Variants in MKLN1 observed in about 807,000 individuals in gnomAD.
MKLN1 encodes the protein muskelin 1.
In MKLN1, 18 loss-of-function variants were observed where a neutral mutation model predicts 99.0. That is an observed-to-expected ratio of 0.18 (90% CI 0.13 to 0.27). The LOEUF (loss-of-function observed/expected upper bound fraction) is 0.27. Among genes scored for constraint, MKLN1 ranks in the 10% least tolerant of loss-of-function variants. The pLI is 1.00. For synonymous variants in MKLN1, 288 were observed against 293.2 expected (o/e 0.98, Z 0.18); for missense variants, 621 against 875.9 (o/e 0.71, Z 3.67).
At chr7:131,217,514 A>C (rs1274779040) in intron 3 of MKLN1, among the ~76,000 whole-genome samples, 1 of 152,108 alleles carries the variant, frequency 6.6e-6, no homozygotes, top group Non-Finnish European at 1.5e-5. Flanking sequence ...CCTGGCCAAC[A>C]TGGTGAAACC....
At chr7:131,327,736 C>T, upstream of MKLN1, 1 of 1,300,680 alleles carries the variant, frequency 7.7e-7, no homozygotes, top group Non-Finnish European at 1.0e-6. Context: ...ACGTGGGAAA[C>T]CCTGAGATAG....
chr7:131,291,101 T>TCTTATTTA (rs1554547692), intron 3 of MKLN1, among the ~76,000 whole-genome samples: 1 of 134,842 alleles, frequency 7.4e-6, no homozygotes, highest in Non-Finnish European at 1.6e-5. Context: ...TCTCATTTTA[T>TCTTATTTA]TTTATTTATT....
intron 3 of MKLN1, among the ~76,000 whole-genome samples, chr7:131,290,543 T>C (rs1477736983): frequency 2.0e-5 from 3 of 152,228 alleles, no homozygotes; most frequent in African/African-American, 7.2e-5. Context: ...GTGGAATGAA[T>C]TAACAAGCTG....
chr7:131,421,791 A>G (rs1172406883), intron 8 of MKLN1, among the ~76,000 whole-genome samples: 1 of 152,220 alleles, frequency 6.6e-6, no homozygotes, highest in Admixed American at 6.5e-5. Context: ...GAAAAAGTTT[A>G]AAACAACTTG....
At chr7:131,294,025 T>C (rs879396260) in intron 3 of MKLN1, among the ~76,000 whole-genome samples, 1 of 151,976 alleles carries the variant, frequency 6.6e-6, no homozygotes, top group Non-Finnish European at 1.5e-5. Context: ...CACCCAGTCA[T>C]GACAATCAAA....
At chr7:131,258,108 G>A (rs1797683113) in intron 3 of MKLN1, among the ~76,000 whole-genome samples, 1 of 148,948 alleles carries the variant, frequency 6.7e-6, no homozygotes, top group Admixed American at 6.8e-5. Flanking sequence ...GTGACAGAGT[G>A]AGACTCTGTC....
chr7:131,179,033 GA>G (rs1796341645), intron 2 of MKLN1, among the ~76,000 whole-genome samples: 1 of 152,012 alleles, frequency 6.6e-6, no homozygotes, highest in Non-Finnish European at 1.5e-5. Flanking sequence ...TGTTAAGTAG[GA>G]AGTTTTCTTC....
chr7:131,307,913 G>A (rs116853246), intron 3 of MKLN1, among the ~76,000 whole-genome samples: 2,550 of 152,260 alleles, frequency 0.017, 43 homozygotes, highest in Non-Finnish European at 0.024. Flanking sequence ...AAATTGGGGA[G>A]GGGCCAGGGG....
chr7:131,184,367 A>T (rs957145261), intron 2 of MKLN1, among the ~76,000 whole-genome samples: 3 of 151,986 alleles, frequency 2.0e-5, no homozygotes, highest in African/African-American at 7.2e-5. Flanking sequence ...TTCTATTCCA[A>T]ATATCTGTTC....
intron 2 of MKLN1, among the ~76,000 whole-genome samples, chr7:131,385,073 A>T (rs574779923): frequency 1.3e-5 from 2 of 152,248 alleles, no homozygotes; most frequent in East Asian, 3.9e-4. Flanking sequence ...GACAACCACT[A>T]ATCTGCTTTA....
chr7:131,456,808 C>T (rs1690085523), intron 12 of MKLN1, among the ~76,000 whole-genome samples: 1 of 152,046 alleles, frequency 6.6e-6, no homozygotes, highest in South Asian at 2.1e-4. Context: ...TTTCCTTAAT[C>T]TCTACCAGTT....
intron 2 of MKLN1, among the ~76,000 whole-genome samples, chr7:131,160,953 A>C (rs1282112317): frequency 6.6e-6 from 1 of 152,158 alleles, no homozygotes; most frequent in Non-Finnish European, 1.5e-5. Flanking sequence ...CTGTCCTATC[A>C]ATATGATGGT....
chr7:131,414,244 TG>T (rs1794954987), intron 7 of MKLN1, among the ~76,000 whole-genome samples: 2 of 152,236 alleles, frequency 1.3e-5, no homozygotes, highest in Admixed American at 1.3e-4. Flanking sequence ...ACTTTAAAAC[TG>T]CTCATCATAC....
At chr7:131,242,944 T>C (rs1797428470) in intron 3 of MKLN1, 6 of 654,634 alleles carry the variant, frequency 9.2e-6, no homozygotes, top group Admixed American at 7.4e-5. Context: ...AAGGTCAAGT[T>C]TGAAGAGAGA....
chr7:131,290,742 T>C (rs1047451797), intron 3 of MKLN1, among the ~76,000 whole-genome samples: 1 of 152,252 alleles, frequency 6.6e-6, no homozygotes, highest in Non-Finnish European at 1.5e-5. Context: ...CCCAAAGATA[T>C]TTAAAGGTAA....
intron 3 of MKLN1, among the ~76,000 whole-genome samples, chr7:131,270,922 T>A (rs1025808094): frequency 3.3e-5 from 5 of 152,154 alleles, no homozygotes; most frequent in Admixed American, 6.5e-5. Flanking sequence ...CTTTTTAGGA[T>A]AATCATTCAT....
intron 2 of MKLN1, chr7:131,143,005 T>C (rs1795759662): frequency 5.3e-6 from 6 of 1,139,604 alleles, no homozygotes; most frequent in South Asian, 1.3e-5. Context: ...ACCTATATAG[T>C]AATGCTTTTC....
chr7:131,298,088 G>A (rs1798321122), intron 3 of MKLN1, among the ~76,000 whole-genome samples: 1 of 151,810 alleles, frequency 6.6e-6, no homozygotes. Flanking sequence ...TCGAGACCAC[G>A]GTGAAACCCC....
intron 2 of MKLN1, among the ~76,000 whole-genome samples, chr7:131,189,587 A>G (rs1796504883): frequency 6.6e-6 from 1 of 151,594 alleles, no homozygotes; most frequent in Non-Finnish European, 1.5e-5. Context: ...CACCCAGCCT[A>G]GGTATGAGAA....
Sources: allele counts gnomAD v4.1 joint callset (sites outside exome capture counted in the v4.1 genomes callset), GRCh38; gene constraint gnomAD v4.1.1; transcripts MANE v1.5; gene names NCBI Gene and HGNC (gene_info 2026-07-23, HGNC 2026-07-21).